The following NELL1 variants were observed in gnomAD, a reference collection of about 807,000 sequenced individuals.
The protein encoded by NELL1 is protein kinase C-binding protein NELL1.
A neutral mutation model predicts 107.4 loss-of-function variants in NELL1; 76 were observed. That is an observed-to-expected ratio of 0.71 (90% confidence interval 0.59 to 0.86). The LOEUF is 0.86. NELL1 is among the 40% of genes least tolerant of loss of function. NELL1 has a pLI of 0.00. For missense variants in NELL1, 1,024 were observed against 1,005.5 expected (o/e 1.02, Z -0.25); for synonymous variants, 353 against 341.2 (o/e 1.03, Z -0.38).
intron 14 of NELL1, among the ~76,000 whole-genome samples, chr11:21,231,587 T>G (rs1858051592): frequency 6.6e-6 from 1 of 152,234 alleles, no homozygotes; most frequent in Non-Finnish European, 1.5e-5. Context: ...TTTTTCAGAA[T>G]TATGTTACCT....
chr11:21,035,402 C>G (rs7942544), intron 12 of NELL1, among the ~76,000 whole-genome samples: 3,570 of 151,658 alleles, frequency 0.024, 137 homozygotes, highest in African/African-American at 0.081. Flanking sequence ...ATACCAAAAC[C>G]TGGTAGAGAC....
intron 2 of NELL1, among the ~76,000 whole-genome samples, chr11:20,739,825 C>T (rs1855847292): frequency 6.6e-6 from 1 of 152,082 alleles, no homozygotes; most frequent in Non-Finnish European, 1.5e-5. Context: ...AGTGAAATGG[C>T]CTAGAAAACT....
At chr11:21,336,627 A>T (rs978158530) in intron 14 of NELL1, among the ~76,000 whole-genome samples, 16 of 148,316 alleles carry the variant, frequency 1.1e-4, no homozygotes, top group African/African-American at 3.4e-4. Context: ...TCTTGGCATG[A>T]CACTTACTGC....
chr11:20,676,078 C>T (rs1285097726), intron 1 of NELL1, among the ~76,000 whole-genome samples: 1 of 152,084 alleles, frequency 6.6e-6, no homozygotes, highest in African/African-American at 2.4e-5. Flanking sequence ...CTACCCCTGG[C>T]CCATTCAGTT....
At chr11:20,967,771 T>A (rs1336667533) in intron 12 of NELL1, among the ~76,000 whole-genome samples, 1 of 152,200 alleles carries the variant, frequency 6.6e-6, no homozygotes, top group Non-Finnish European at 1.5e-5. Context: ...GTGAGCTTTT[T>A]AAGTGTAAGC....
chr11:21,381,534 A>G (rs533935045), intron 15 of NELL1, among the ~76,000 whole-genome samples: 1 of 152,106 alleles, frequency 6.6e-6, no homozygotes, highest in South Asian at 2.1e-4. Context: ...GTGTCTAGAA[A>G]TTGTAGCTAG....
chr11:21,240,739 A>G lies in NELL1; in HGVS notation c.1549+11285A>G, dbSNP rs571913324. On this transcript the variant is annotated intron_variant, in intron 14 of 19. Coordinates refer to ENST00000357134, the MANE Select transcript of NELL1 (RefSeq NM_006157.5). ...ACGTAGTCTTGTCCTAGCCTTTAATATTCCTTTCCTTCAAGTGCCTTTCTA... is the reference window on the plus strand; with the variant it reads ...ACGTAGTCTTGTCCTAGCCTTTAATGTTCCTTTCCTTCAAGTGCCTTTCTA... Among the ~76,000 whole-genome samples, 5 of 112,998 alleles carry G rather than the reference A, an allele frequency of 4.4e-5. No homozygotes were observed. The South Asian group carries it at 1.5e-3, about 33-fold the overall frequency. 74.1% of individuals were successfully genotyped at this position (112,998 alleles called of 152,430 possible).
intron 15 of NELL1, among the ~76,000 whole-genome samples, chr11:21,514,753 T>G (rs1358795615): frequency 6.8e-6 from 1 of 147,740 alleles, no homozygotes; most frequent in Admixed American, 6.6e-5. Flanking sequence ...GGAATACATC[T>G]GTCACAGGGG....
chr11:20,902,451 A>G (rs12275774), intron 5 of NELL1, among the ~76,000 whole-genome samples: 7,404 of 152,152 alleles, frequency 0.049, 586 homozygotes, highest in African/African-American at 0.17. Context: ...AGCCTGGCAA[A>G]AGTGAAAAAC....
At chr11:20,790,088 C>T (rs566081255) in intron 3 of NELL1, among the ~76,000 whole-genome samples, 1 of 152,320 alleles carries the variant, frequency 6.6e-6, no homozygotes, top group African/African-American at 2.4e-5. Context: ...AAAGGCACTA[C>T]AAGTTCCCAT....
At chr11:20,725,657 C>T (rs994163044) in intron 2 of NELL1, among the ~76,000 whole-genome samples, 1 of 152,172 alleles carries the variant, frequency 6.6e-6, no homozygotes, top group Non-Finnish European at 1.5e-5. Flanking sequence ...TAGAGTTATA[C>T]AGCTTGTTAA....
At position 20,874,071 on chromosome 11, in the gene NELL1, T is replaced by G. The variant is rs115669964; in HGVS notation, c.507-11373T>G. On this transcript the variant is annotated intron_variant, in intron 4 of 19. Transcript: ENST00000357134. ...TGAGCCATTGAACCCGGTCTGAGTT[T>G]AGACTTTTTTTTTGAGACAGAGTTT... Among the ~76,000 whole-genome samples the G allele has an allele frequency of 6.2e-3, 944 of 152,208 alleles. 6 individuals carry two copies. Among genetic ancestry groups the G allele is most frequent in the African/African-American group, 0.022 (911 of 41,520 alleles).
chr11:21,239,879 A>G (rs1174988590), intron 14 of NELL1, among the ~76,000 whole-genome samples: 1 of 152,032 alleles, frequency 6.6e-6, no homozygotes, highest in African/African-American at 2.4e-5. Flanking sequence ...CAGGTGATGC[A>G]GAGACCTATT....
chr11:21,427,147 A>T (rs1218440969), intron 15 of NELL1, among the ~76,000 whole-genome samples: 3 of 152,190 alleles, frequency 2.0e-5, no homozygotes, highest in Non-Finnish European at 4.4e-5. Context: ...GCTGTTAGGC[A>T]TCTCTGCATT....
chr11:21,432,293 C>T (rs925480607), intron 15 of NELL1, among the ~76,000 whole-genome samples: 13 of 151,866 alleles, frequency 8.6e-5, no homozygotes, highest in Admixed American at 5.9e-4. Context: ...CTAAAGATAG[C>T]TATGAAAATA....
intron 14 of NELL1, among the ~76,000 whole-genome samples, chr11:21,322,954 A>G (rs1850046867): frequency 6.6e-6 from 1 of 152,072 alleles, no homozygotes; most frequent in African/African-American, 2.4e-5. Flanking sequence ...GTGCCCCCTT[A>G]GGATAGAAGC....
In NELL1 at chr11:20,669,661, T is replaced by G; in HGVS notation, c.-63T>G. 7.0e-7 allele frequency: 1 copy of G among 1,434,976 alleles called. No individual in the cohort carries two copies. Among genetic ancestry groups the G allele is most frequent in the Admixed American group, 1.7e-5 (1 of 59,340 alleles). The allele number at this position is 1,434,976 out of a possible 1,614,324, so 88.9% of individuals were successfully genotyped here. On this transcript the variant is annotated 5_prime_UTR_variant, in exon 1 of 20. Transcript: ENST00000357134. This position sits in a 1 kb window ranked among gnomAD's most constrained non-coding sequence, Gnocchi z 4.4. ...GCTCCAAGCCAGGCGCGCCTCAGGA[T>G]CCAGGCTCATTTGCTTCCACCTAGC...
At chr11:20,827,808 A>G (rs1857916994) in intron 3 of NELL1, among the ~76,000 whole-genome samples, 1 of 151,310 alleles carries the variant, frequency 6.6e-6, no homozygotes, top group African/African-American at 2.4e-5. Context: ...AATGTGTACT[A>G]TCTTATTTTT....
At chr11:20,806,883 T>C (rs942804383) in intron 3 of NELL1, among the ~76,000 whole-genome samples, 1 of 152,184 alleles carries the variant, frequency 6.6e-6, no homozygotes, top group Non-Finnish European at 1.5e-5. Context: ...ACTCCAGAAT[T>C]TCTGTTTGAT....
Sources: gnomAD v4.1 joint callset for allele counts (sites outside exome capture counted in the v4.1 genomes callset) on GRCh38, gnomAD v4.1.1 for gene constraint, Gnocchi (gnomAD v3.1) non-coding constraint, MANE v1.5 for transcripts, NCBI Gene and HGNC (gene_info 2026-07-23, HGNC 2026-07-21) for gene names.